VRK2: variants seen among roughly 807,000 people sequenced by gnomAD.
The protein encoded by VRK2 is serine/threonine-protein kinase VRK2.
A neutral mutation model predicts 57.6 loss-of-function variants in VRK2; 60 were observed. That is an observed-to-expected ratio of 1.04 (90% CI 0.85 to 1.29). The LOEUF (loss-of-function observed/expected upper bound fraction) is 1.29. Ranked by LOEUF, VRK2 falls within the 50% of genes most tolerant of loss-of-function variation. The pLI is 0.00. For synonymous variants in VRK2, 231 were observed against 199.2 expected (o/e 1.16, Z -1.35); for missense variants, 705 against 588.1 (o/e 1.20, Z -2.06).
chr2:57,957,154 T>C (rs560299723), intron 1 of VRK2, among the ~76,000 whole-genome samples: 1 of 152,306 alleles, frequency 6.6e-6, no homozygotes, highest in African/African-American at 2.4e-5. Context: ...TAGTCTTTTA[T>C]AATTGAAGTA....
chr2:57,933,166 C>T (rs1006371222), intron 1 of VRK2, among the ~76,000 whole-genome samples: 6 of 151,894 alleles, frequency 4.0e-5, no homozygotes, highest in Non-Finnish European at 5.9e-5. Context: ...ATGAAATGAT[C>T]TGTATATGTC....
At chr2:57,996,858 A>C (rs1267390854) in intron 1 of VRK2, among the ~76,000 whole-genome samples, 1 of 152,060 alleles carries the variant, frequency 6.6e-6, no homozygotes, top group Non-Finnish European at 1.5e-5. Context: ...ATGAAATGTA[A>C]ATGCTATATA....
chr2:58,040,459 G>A (rs1674411452), intron 3 of VRK2, among the ~76,000 whole-genome samples: 1 of 152,222 alleles, frequency 6.6e-6, no homozygotes, highest in Admixed American at 6.5e-5. Flanking sequence ...GAAATTGGCA[G>A]TGAGACTTAG....
At chr2:57,940,516 T>G (rs1671058754) in intron 1 of VRK2, among the ~76,000 whole-genome samples, 1 of 151,942 alleles carries the variant, frequency 6.6e-6, no homozygotes, top group Non-Finnish European at 1.5e-5. Flanking sequence ...GGGCACTGCA[T>G]GGCCCAGTCA....
upstream of VRK2, among the ~76,000 whole-genome samples, chr2:58,041,907 C>T (rs1368464661): frequency 6.6e-6 from 1 of 151,990 alleles, no homozygotes. Context: ...ACCTGGAACT[C>T]CCCCCTCCTA....
intron 1 of VRK2, among the ~76,000 whole-genome samples, chr2:57,981,608 T>G (rs1292603786): frequency 6.6e-6 from 1 of 152,240 alleles, no homozygotes; most frequent in Non-Finnish European, 1.5e-5. Context: ...GAAGTTTTTG[T>G]GGACAATATT....
Position 57,991,110 on chromosome 2 carries a change from A to G in VRK2, c.-438-34555A>G, listed in dbSNP as rs373429315. Among the ~76,000 whole-genome samples the G allele has an allele frequency of 6.2e-4, 94 of 152,334 alleles. 2 individuals are homozygous for G. The South Asian group carries it at 0.019, about 31-fold the overall frequency. Reference sequence around the variant, plus strand: ...CCTATCCTTTGCCTCTAATGTGAACAGATTCTATATTTATCAGTGAACCCA... The same window carrying G: ...CCTATCCTTTGCCTCTAATGTGAACGGATTCTATATTTATCAGTGAACCCA... On this transcript the variant is annotated intron_variant, in intron 1 of 15. Coordinates refer to the VRK2 transcript ENST00000417641.
At position 57,960,544 on chromosome 2, in the gene VRK2, T is replaced by G. The variant is rs555092149; in HGVS notation, c.-439+52705T>G. Among the ~76,000 whole-genome samples, 6 of 152,344 alleles carry G rather than the reference T, an allele frequency of 3.9e-5. No homozygotes were observed. In the East Asian group the frequency reaches 1.2e-3, roughly 29 times the overall value. On this transcript the variant is annotated intron_variant, in intron 1 of 15. Transcript: ENST00000417641. ...ACATTCACATTAGCAACATTTTTAATGTGTATCATTTCAATTAATTCATTT... is the reference window on the plus strand; with the variant it reads ...ACATTCACATTAGCAACATTTTTAAGGTGTATCATTTCAATTAATTCATTT...
chr2:58,076,727 A>C (rs1373368476), intron 2 of VRK2, among the ~76,000 whole-genome samples: 1 of 151,764 alleles, frequency 6.6e-6, no homozygotes, highest in African/African-American at 2.4e-5. Flanking sequence ...AATCTCATGC[A>C]CATCTATGGT....
chr2:57,933,636 C>A (rs1394632600), intron 1 of VRK2, among the ~76,000 whole-genome samples: 1 of 146,630 alleles, frequency 6.8e-6, no homozygotes, highest in African/African-American at 2.6e-5. Context: ...TTAAGTGAGT[C>A]TTAGCCTGTA....
intron 2 of VRK2, among the ~76,000 whole-genome samples, chr2:58,068,811 G>GAA (rs60586801): frequency 1.5e-5 from 2 of 129,716 alleles, no homozygotes; most frequent in Admixed American, 8.0e-5. Context: ...ACCCCCTCAG[G>GAA]AAAAAAAAAA....
intron 12 of VRK2, among the ~76,000 whole-genome samples, chr2:58,157,255 A>G (rs910382116): frequency 5.3e-5 from 8 of 152,028 alleles, no homozygotes; most frequent in African/African-American, 1.9e-4. Flanking sequence ...TAGTGTTGCT[A>G]TTTTTCATAG....
At position 58,132,048 on chromosome 2, in the gene VRK2, T is replaced by G. The variant is rs570959926; in HGVS notation, c.797+120T>G. ...AACATGACAACCAAAGCAAATTTCT[T>G]TAGTTTGAAAAATATGTTTTAAAAA... On this transcript the variant is annotated intron_variant, in intron 9 of 12. Transcript: ENST00000340157. 5.5e-6 allele frequency: 7 copies of G among 1,279,268 alleles called. No homozygotes were observed. The East Asian group carries it at 7.8e-5, about 14-fold the overall frequency. The allele number at this position is 1,279,268 out of a possible 1,614,324, so 79.2% of individuals were successfully genotyped here. A position where few individuals can be genotyped will look rare whatever the true frequency, so the allele number is the denominator to read the frequency against.
intron 1 of VRK2, among the ~76,000 whole-genome samples, chr2:57,949,196 G>A (rs1028525173): frequency 6.6e-6 from 1 of 152,108 alleles, no homozygotes; most frequent in African/African-American, 2.4e-5. Context: ...ACAATTTTCT[G>A]CAAAAATAGA....
chr2:57,954,215 A>G (rs1465980829), intron 1 of VRK2, among the ~76,000 whole-genome samples: 1 of 152,154 alleles, frequency 6.6e-6, no homozygotes. Context: ...AATATTATGC[A>G]ATACTTATTT....
At chr2:57,959,614 G>A (rs186912067) in intron 1 of VRK2, among the ~76,000 whole-genome samples, 21 of 152,266 alleles carry the variant, frequency 1.4e-4, no homozygotes, top group African/African-American at 4.1e-4. Flanking sequence ...AGCAGGGACT[G>A]TAATGTCGAC....
chr2:58,113,867 C>G (rs1640597106), intron 7 of VRK2, among the ~76,000 whole-genome samples: 1 of 152,104 alleles, frequency 6.6e-6, no homozygotes, highest in Non-Finnish European at 1.5e-5. Flanking sequence ...GACATTCCTG[C>G]TTCCTTATAT....
chr2:58,064,353 T>C (rs1668323594), intron 2 of VRK2, among the ~76,000 whole-genome samples: 1 of 152,088 alleles, frequency 6.6e-6, no homozygotes, highest in Non-Finnish European at 1.5e-5. Flanking sequence ...ATTGCCACAG[T>C]CACCGCAGTC....
chr2:58,089,565 A>C, intron 6 of VRK2, 66 bp from the exon 7 acceptor site: 2 of 997,282 alleles, frequency 2.0e-6, no homozygotes, highest in East Asian at 2.6e-5. Context: ...TCTATATTCA[A>C]AATGTTGAAA....
Sources: gnomAD v4.1 joint callset for allele counts (sites outside exome capture counted in the v4.1 genomes callset) on GRCh38, gnomAD v4.1.1 for gene constraint, MANE v1.5 for transcripts, NCBI Gene and HGNC (gene_info 2026-07-23, HGNC 2026-07-21) for gene names.